Variants in SLC4A4 observed in about 807,000 individuals in gnomAD.
The protein encoded by SLC4A4 is electrogenic sodium bicarbonate cotransporter 1.
Under a neutral mutation model 111.5 loss-of-function variants are expected in SLC4A4, and 27 were observed. The observed-to-expected ratio is 0.24, with a 90% confidence interval of 0.18 to 0.33. SLC4A4 has a LOEUF of 0.33. Among genes scored for constraint, SLC4A4 ranks in the 10% least tolerant of loss-of-function variants. The probability of loss-of-function intolerance (pLI) is 1.00; values close to 1 mark genes in which losing one functional copy is unlikely to be tolerated. For missense variants in SLC4A4, 909 were observed against 1,315.5 expected, an observed-to-expected ratio of 0.69 and a Z score of 4.78; for synonymous variants, 443 against 463.4, an observed-to-expected ratio of 0.96 and a Z score of 0.57.
intron 6 of SLC4A4, among the ~76,000 whole-genome samples, chr4:71,368,088 CGTT>C (rs1225100443): frequency 6.6e-6 from 1 of 152,128 alleles, no homozygotes; most frequent in Non-Finnish European, 1.5e-5. Flanking sequence ...TTTCCAACCT[CGTT>C]GTGATTCCTT....
chr4:71,404,390 C>G (rs1720646602), intron 7 of SLC4A4, among the ~76,000 whole-genome samples: 1 of 152,208 alleles, frequency 6.6e-6, no homozygotes, highest in Non-Finnish European at 1.5e-5. Context: ...CTTACCTGTT[C>G]CTATGAAAGA....
At chr4:71,129,250 A>T (rs1389310054) in intron 2 of SLC4A4, among the ~76,000 whole-genome samples, 2 of 152,232 alleles carry the variant, frequency 1.3e-5, no homozygotes, top group Non-Finnish European at 2.9e-5. Flanking sequence ...TCTGTTAGGA[A>T]CTTAAACAAG....
intron 7 of SLC4A4, among the ~76,000 whole-genome samples, chr4:71,419,291 C>A (rs996489323): frequency 1.1e-4 from 17 of 152,344 alleles, no homozygotes; most frequent in Middle Eastern, 3.4e-3. Context: ...GTGCCCTGCC[C>A]CCAGAGGTGG....
intron 3 of SLC4A4, among the ~76,000 whole-genome samples, chr4:71,301,874 A>G (rs1725290447): frequency 6.6e-6 from 1 of 152,220 alleles, no homozygotes; most frequent in Admixed American, 6.5e-5. Context: ...TTCTCGAGAA[A>G]TGCCAGGTCC....
In SLC4A4 at chr4:71,236,649, G is replaced by T; in HGVS notation, c.73G>T (p.Gly25Cys). Residue 25 changes from glycine to cysteine, a missense_variant and splice_region_variant, in exon 2 of 26, where the codon GGC (glycine) becomes TGC (cysteine). This residue lies in a region of SLC4A4 where 117 missense variants were observed against 154.2 expected (regional missense o/e 0.76). Transcript: ENST00000264485. ...KHVCDEEEVE[G>C]HHTIYIGVHV... ...TGTGTGTGATGAAGAAGAAGTAGAA[G>T]GTGAGCTTTATGGGTCTGGGAAAGT... 1 of 1,613,318 alleles carries T rather than the reference G, an allele frequency of 6.2e-7. No homozygotes were observed. The highest frequency in any genetic ancestry group is 1.1e-5 in the South Asian group (1 of 91,054).
At chr4:71,523,505 T>G (rs936267689) in intron 16 of SLC4A4, among the ~76,000 whole-genome samples, 8 of 151,576 alleles carry the variant, frequency 5.3e-5, no homozygotes, top group Admixed American at 3.9e-4. Flanking sequence ...CCAAGAAAAA[T>G]AGGTTGGGAG....
chr4:71,136,382 G>T (rs1427419582), intron 2 of SLC4A4, among the ~76,000 whole-genome samples: 1 of 152,172 alleles, frequency 6.6e-6, no homozygotes, highest in East Asian at 1.9e-4. Flanking sequence ...AGAGCCAGAA[G>T]TTCACCTGCC....
chr4:71,185,840 A>C (rs1745433730), upstream of SLC4A4, among the ~76,000 whole-genome samples: 1 of 152,018 alleles, frequency 6.6e-6, no homozygotes, highest in Non-Finnish European at 1.5e-5. Context: ...GGGGACCAGG[A>C]GCAGTTGGTA....
Position 71,235,813 on chromosome 4 carries a change from A to T in SLC4A4, c.-1-763A>T, listed in dbSNP as rs148557045. ...GAGGACAGCATAATGTGGTTACAAA[A>T]TGAAGAACTTTGTGCCCTTCAGGGA... On this transcript the variant is annotated intron_variant, in intron 1 of 25. Transcript: ENST00000264485. Among the ~76,000 whole-genome samples the T allele has an allele frequency of 1.9e-3, 291 of 152,340 alleles. 2 individuals are homozygous for T. The highest frequency in any genetic ancestry group is 6.6e-3 in the South Asian group (32 of 4,822).
At chr4:71,172,830 T>C (rs1242730382) in intron 2 of SLC4A4, among the ~76,000 whole-genome samples, 1 of 152,204 alleles carries the variant, frequency 6.6e-6, no homozygotes, top group Non-Finnish European at 1.5e-5. Flanking sequence ...GCTTATTTTA[T>C]CATGAAAAAC....
chr4:71,528,152 C>T (rs1733584041), intron 16 of SLC4A4, among the ~76,000 whole-genome samples: 1 of 152,114 alleles, frequency 6.6e-6, no homozygotes, highest in Non-Finnish European at 1.5e-5. Flanking sequence ...GATAATTGGA[C>T]TATTTCCATA....
At chr4:71,204,174 A>G (rs548817842) in intron 1 of SLC4A4, among the ~76,000 whole-genome samples, 1 of 152,350 alleles carries the variant, frequency 6.6e-6, no homozygotes, top group South Asian at 2.1e-4. Context: ...GTTTCCAACA[A>G]TAAACCTGGT....
At chr4:71,131,197 A>G (rs984674558) in intron 2 of SLC4A4, among the ~76,000 whole-genome samples, 1 of 152,174 alleles carries the variant, frequency 6.6e-6, no homozygotes, top group Admixed American at 6.5e-5. Flanking sequence ...GCATCTCTGT[A>G]GAAAGAAAAA....
chr4:71,150,633 C>T (rs1049441691), intron 2 of SLC4A4, among the ~76,000 whole-genome samples: 8 of 152,120 alleles, frequency 5.3e-5, no homozygotes, highest in African/African-American at 1.9e-4. Flanking sequence ...AAATCCTTTG[C>T]TTTATTCCAT....
chr4:71,366,896 A>G (rs567939838), intron 6 of SLC4A4, among the ~76,000 whole-genome samples: 9 of 152,208 alleles, frequency 5.9e-5, no homozygotes, highest in Non-Finnish European at 1.2e-4. Context: ...ACATTTGCCA[A>G]TGTAAGTAAT....
At chr4:71,559,902 A>G (rs368747130) in intron 22 of SLC4A4, among the ~76,000 whole-genome samples, 191 bp from the exon 23 acceptor site, 48 of 152,002 alleles carry the variant, frequency 3.2e-4, no homozygotes, top group African/African-American at 1.1e-3. Flanking sequence ...CTTTTATAAA[A>G]CAACTTTCCC....
chr4:71,119,300 A>G (rs1312099413), intron 2 of SLC4A4, among the ~76,000 whole-genome samples: 2 of 152,196 alleles, frequency 1.3e-5, no homozygotes, highest in East Asian at 3.8e-4. Flanking sequence ...CTGTCAGCCT[A>G]TTACTCATTT....
chr4:71,168,982 T>C (rs1744862518), intron 2 of SLC4A4, among the ~76,000 whole-genome samples: 1 of 152,094 alleles, frequency 6.6e-6, no homozygotes, highest in Non-Finnish European at 1.5e-5. Context: ...AGGAGTGGGA[T>C]TGCTGAATCA....
At chr4:71,208,157 G>A (rs111690423) in intron 1 of SLC4A4, among the ~76,000 whole-genome samples, 3,498 of 152,236 alleles carry the variant, frequency 0.023, 133 homozygotes, top group African/African-American at 0.08. Context: ...TTGGCTGGGC[G>A]TGGTGGCTCA....
Sources: gnomAD v4.1 joint callset for allele counts (sites outside exome capture counted in the v4.1 genomes callset) on GRCh38, gnomAD v4.1.1 for gene constraint, gnomAD v4.1.1 regional missense constraint, MANE v1.5 for transcripts, NCBI Gene and HGNC (gene_info 2026-07-23, HGNC 2026-07-21) for gene names.